The following PTPRD variants were observed in gnomAD, a reference collection of about 807,000 sequenced individuals.
The protein encoded by PTPRD is protein tyrosine phosphatase receptor type D.
A neutral mutation model predicts 214.5 loss-of-function variants in PTPRD; 34 were observed. That is an observed-to-expected ratio of 0.16 (90% confidence interval 0.12 to 0.21). The LOEUF (loss-of-function observed/expected upper bound fraction) is 0.21, where lower values mean the gene tolerates loss of function less well. Among genes scored for constraint, PTPRD ranks in the 10% least tolerant of loss-of-function variants. The pLI, the probability that PTPRD is intolerant of heterozygous loss-of-function variation, is 1.00. For missense variants in PTPRD, 2,545 were observed against 2,398.7 expected (o/e 1.06, Z -1.27); for synonymous variants, 1,128 against 845.7 (o/e 1.33, Z -5.79).
intron 9 of PTPRD, among the ~76,000 whole-genome samples, chr9:9,376,465 T>C (rs1265867617): frequency 6.6e-6 from 1 of 152,152 alleles, no homozygotes; most frequent in African/African-American, 2.4e-5. Context: ...TTGACCTACA[T>C]AGTGTTTAGG....
intron 22 of PTPRD, among the ~76,000 whole-genome samples, chr9:8,506,293 A>G (rs1000310523): frequency 6.6e-6 from 1 of 152,196 alleles, no homozygotes; most frequent in Admixed American, 6.5e-5. Context: ...TAAAATGAAT[A>G]TATGTGTGAA....
intron 9 of PTPRD, among the ~76,000 whole-genome samples, chr9:9,313,403 G>C (rs190268948): frequency 1.3e-5 from 2 of 152,134 alleles, no homozygotes; most frequent in African/African-American, 2.4e-5. Context: ...CTATTGTCTT[G>C]AGTTCACCTG....
chr9:8,634,089 T>C (rs1203174003), intron 13 of PTPRD, among the ~76,000 whole-genome samples: 2 of 152,036 alleles, frequency 1.3e-5, no homozygotes, highest in Non-Finnish European at 2.9e-5. Flanking sequence ...TTTTAGAGCA[T>C]TCTTGCTGTA....
At position 8,985,258 on chromosome 9, in the gene PTPRD, T is replaced by A. The variant is rs1041246519; in HGVS notation, c.-104+33439A>T. 2.9e-4 allele frequency among the ~76,000 whole-genome samples: 44 copies of A among 152,102 alleles called. 1 individual carries two copies. ...ATATGTATGCATTTATAAATGTTGT[T>A]GATAAATACTATTTTGTGGCAGAAC... On this transcript the variant is annotated intron_variant, in intron 11 of 45. Transcript: ENST00000381196.
At chr9:9,934,465 A>G (rs1315638052) in intron 5 of PTPRD, among the ~76,000 whole-genome samples, 1 of 141,796 alleles carries the variant, frequency 7.1e-6, no homozygotes, top group African/African-American at 2.7e-5. Context: ...CAAATAAACT[A>G]GAAAATCTAG....
chr9:9,579,799 C>G (rs980859263), intron 7 of PTPRD, among the ~76,000 whole-genome samples: 5 of 152,090 alleles, frequency 3.3e-5, no homozygotes, highest in African/African-American at 1.2e-4. Context: ...ATGTCCTTTA[C>G]CAGAATAATA....
chr9:9,885,318 T>C (rs1238084196), intron 5 of PTPRD, among the ~76,000 whole-genome samples: 2 of 152,106 alleles, frequency 1.3e-5, no homozygotes, highest in South Asian at 2.1e-4. Flanking sequence ...CAACGTGAGA[T>C]AAATTCCTTT....
chr9:8,552,609 C>A (rs1229923573), intron 14 of PTPRD, among the ~76,000 whole-genome samples: 1 of 152,094 alleles, frequency 6.6e-6, no homozygotes, highest in Non-Finnish European at 1.5e-5. Flanking sequence ...AACCAGCGAC[C>A]AGATCAGGTA....
chr9:10,602,490 A>G (rs899752977), intron 2 of PTPRD, among the ~76,000 whole-genome samples: 46 of 151,846 alleles, frequency 3.0e-4, no homozygotes, highest in African/African-American at 1.0e-3. Context: ...AGATTAAACC[A>G]TGAGTTATGT....
chr9:9,334,286 A>T (rs1191612464), intron 9 of PTPRD, among the ~76,000 whole-genome samples: 1 of 152,008 alleles, frequency 6.6e-6, no homozygotes, highest in Non-Finnish European at 1.5e-5. Context: ...TAGCCAAAAA[A>T]CAAAAAGAGG....
chr9:10,464,486 G>GGAAGATGAAGAT (rs148091582), intron 2 of PTPRD, among the ~76,000 whole-genome samples: 81 of 150,492 alleles, frequency 5.4e-4, no homozygotes, highest in African/African-American at 1.4e-3. Flanking sequence ...GAGAAAGACA[G>GGAAGATGAAGAT]GAAGATGAAG....
chr9:9,758,633 T>C (rs1314260447), intron 6 of PTPRD, among the ~76,000 whole-genome samples: 1 of 151,886 alleles, frequency 6.6e-6, no homozygotes, highest in East Asian at 1.9e-4. Flanking sequence ...AAGGACTGTG[T>C]CCCTCCTTCC....
At chr9:9,853,209 A>G (rs566936422) in intron 5 of PTPRD, among the ~76,000 whole-genome samples, 1 of 152,346 alleles carries the variant, frequency 6.6e-6, no homozygotes, top group South Asian at 2.1e-4. Flanking sequence ...TATTGCAAGT[A>G]CTCAACTCTA....
chr9:10,387,606 T>C (rs957691137), intron 2 of PTPRD, among the ~76,000 whole-genome samples: 1 of 151,688 alleles, frequency 6.6e-6, no homozygotes, highest in Non-Finnish European at 1.5e-5. Context: ...CTTTGAATAA[T>C]ACATTTCCCC....
rs7868120 is a variant in PTPRD at position 9,475,131 on chromosome 9, G to A, written c.-236-77649C>T. ...GTCAGGCAATGGTTCTCTTAACATA[G>A]TTTCTAAATATTTCTATTATACAAT... is the stretch of plus-strand genomic sequence containing the variant. On this transcript the variant is annotated intron_variant, in intron 8 of 45. Transcript: ENST00000381196. 6.5e-3 allele frequency among the ~76,000 whole-genome samples: 983 copies of A among 152,208 alleles called. 4 individuals are homozygous for A. Among genetic ancestry groups the A allele is most frequent in the African/African-American group, 0.023 (951 of 41,542 alleles).
At chr9:10,233,318 C>T (rs190986760) in intron 3 of PTPRD, among the ~76,000 whole-genome samples, 175 of 152,002 alleles carry the variant, frequency 1.2e-3, no homozygotes, top group African/African-American at 4.0e-3. Flanking sequence ...ATAATTTTCC[C>T]AGTAAGATAA....
intron 12 of PTPRD, among the ~76,000 whole-genome samples, chr9:8,710,575 C>T (rs1274315930): frequency 6.6e-6 from 1 of 152,102 alleles, no homozygotes; most frequent in Non-Finnish European, 1.5e-5. Context: ...GTGATTGTGC[C>T]ACTGCACTCC....
intron 39 of PTPRD, among the ~76,000 whole-genome samples, chr9:8,349,382 A>T (rs957242546): frequency 6.6e-6 from 1 of 152,048 alleles, no homozygotes; most frequent in Non-Finnish European, 1.5e-5. Flanking sequence ...TCTCCAATTT[A>T]CTCTTTTTTT....
chr9:9,428,479 C>T (rs1438289691), intron 8 of PTPRD, among the ~76,000 whole-genome samples: 2 of 152,106 alleles, frequency 1.3e-5, no homozygotes, highest in African/African-American at 4.8e-5. Flanking sequence ...CTACTGTCAA[C>T]ATTAGACAGA....
Sources: gnomAD v4.1 joint callset for allele counts (sites outside exome capture counted in the v4.1 genomes callset) on GRCh38, gnomAD v4.1.1 for gene constraint, MANE v1.5 for transcripts, NCBI Gene and HGNC (gene_info 2026-07-23, HGNC 2026-07-21) for gene names.